Variants in NSL1 observed in about 807,000 individuals in gnomAD.
NSL1 encodes the protein NSL1 component of MIS12 kinetochore complex, also known as kinetochore-associated protein NSL1 homolog.
A neutral mutation model predicts 25.4 loss-of-function variants in NSL1; 11 were observed. That is an observed-to-expected ratio of 0.43 (90% CI 0.27 to 0.72). The LOEUF is 0.72. NSL1 is among the 30% of genes least tolerant of loss of function. The probability of loss-of-function intolerance (pLI) is 0.19; values close to 1 mark genes in which losing one functional copy is unlikely to be tolerated. For missense variants in NSL1, 330 were observed against 342.7 expected, an observed-to-expected ratio of 0.96 and a Z score of 0.29; for synonymous variants, 118 against 120.6, an observed-to-expected ratio of 0.98 and a Z score of 0.14.
intron 3 of NSL1, among the ~76,000 whole-genome samples, chr1:212,782,865 A>G (rs1014386524): frequency 6.6e-6 from 1 of 152,202 alleles, no homozygotes; most frequent in African/African-American, 2.4e-5. Flanking sequence ...CTAAGCCTAT[A>G]TATCCTGCGA....
intron 4 of NSL1, among the ~76,000 whole-genome samples, chr1:212,770,877 A>C (rs970342629): frequency 6.6e-6 from 1 of 152,218 alleles, no homozygotes; most frequent in Non-Finnish European, 1.5e-5. Context: ...GATTTATCTC[A>C]GAGATATGAG....
At chr1:212,763,763 G>C (rs1280658527) in intron 4 of NSL1, among the ~76,000 whole-genome samples, 2 of 152,096 alleles carry the variant, frequency 1.3e-5, no homozygotes, top group Non-Finnish European at 2.9e-5. Flanking sequence ...ACTAACACTG[G>C]AGCTCCCAGA....
intron 4 of NSL1, among the ~76,000 whole-genome samples, chr1:212,777,068 A>AAAAAC (rs1558060116): frequency 6.6e-6 from 1 of 151,828 alleles, no homozygotes; most frequent in Non-Finnish European, 1.5e-5. Context: ...ACTAAAAAAA[A>AAAAAC]AAAAACAAAA....
chr1:212,774,508 C>T (rs1660266986), intron 4 of NSL1, among the ~76,000 whole-genome samples: 1 of 151,846 alleles, frequency 6.6e-6, no homozygotes, highest in African/African-American at 2.4e-5. Context: ...AGACAAATAC[C>T]TCCCTCAAAA....
intron 4 of NSL1, among the ~76,000 whole-genome samples, chr1:212,776,253 C>T (rs1442257702): frequency 6.6e-6 from 1 of 151,998 alleles, no homozygotes; most frequent in African/African-American, 2.4e-5. Context: ...ATCCCAGCTA[C>T]TTGGGAGGCT....
chr1:212,750,102 C>T (rs115640768), intron 4 of NSL1, among the ~76,000 whole-genome samples: 1 of 151,726 alleles, frequency 6.6e-6, no homozygotes, highest in African/African-American at 2.4e-5. Flanking sequence ...GAAACACATT[C>T]TTTTAATCTC....
In NSL1 at chr1:212,787,549, A is replaced by G; in HGVS notation, c.313+10T>C. ...CCAGAAATTAATAATGGAAGGAAAAAGTCACATACCCATAAAACAATTATC... is the reference window on the plus strand; with the variant it reads ...CCAGAAATTAATAATGGAAGGAAAAGGTCACATACCCATAAAACAATTATC... On this transcript the variant is annotated intron_variant, in intron 2 of 5. Transcript: ENST00000366977. The G allele has an allele frequency of 6.4e-7, 1 of 1,574,414 alleles. No individual in the cohort carries two copies. Among genetic ancestry groups the G allele is most frequent in the Non-Finnish European group, 8.6e-7 (1 of 1,163,008 alleles).
intron 5 of NSL1, 72 bp from the exon 6 acceptor site, chr1:212,738,758 G>T: frequency 1.6e-6 from 2 of 1,267,184 alleles, no homozygotes; most frequent in Non-Finnish European, 2.2e-6. Flanking sequence ...GATGGATGCA[G>T]TACTCTAATT....
intron 4 of NSL1, among the ~76,000 whole-genome samples, chr1:212,751,250 T>C (rs1182466092): frequency 6.6e-6 from 1 of 152,224 alleles, no homozygotes; most frequent in African/African-American, 2.4e-5. Flanking sequence ...ACCTGTTCCA[T>C]GGACAGCCCA....
intron 4 of NSL1, among the ~76,000 whole-genome samples, chr1:212,763,088 C>A (rs903743841): frequency 6.6e-6 from 1 of 152,156 alleles, no homozygotes; most frequent in Admixed American, 6.5e-5. Context: ...GCGCAGACTG[C>A]CTGGAACTAA....
At chr1:212,767,769 T>C (rs1377446777) in intron 4 of NSL1, among the ~76,000 whole-genome samples, 2 of 152,054 alleles carry the variant, frequency 1.3e-5, no homozygotes, top group Non-Finnish European at 2.9e-5. Flanking sequence ...AGGACATGGA[T>C]AGACAATTCT....
rs566299776 is a variant in NSL1, at chr1:212,776,373, T to A, written c.499+5999A>T. On this transcript the variant is annotated intron_variant, in intron 4 of 5. Transcript: ENST00000366977. ...AGAGAAACTCCGTCTCAAAAAAAAA[T>A]AATAAATAATAATAATAATAAATAA... 7.2e-4 allele frequency among the ~76,000 whole-genome samples: 108 copies of A among 150,446 alleles called. 1 individual carries two copies. Among genetic ancestry groups the A allele is most frequent in the Middle Eastern group, 3.4e-3 (1 of 290 alleles).
intron 4 of NSL1, among the ~76,000 whole-genome samples, chr1:212,757,757 C>T (rs528384389): frequency 6.6e-6 from 1 of 152,284 alleles, no homozygotes; most frequent in South Asian, 2.1e-4. Context: ...TGCACTAGGT[C>T]CATCTACAAC....
Position 212,729,048 on chromosome 1 carries a change from T to C in NSL1, c.*9360A>G, listed in dbSNP as rs2102417118. On this transcript the variant is annotated 3_prime_UTR_variant, in exon 6 of 6. Coordinates refer to ENST00000366977, the MANE Select transcript of NSL1 (RefSeq NM_015471.4). The stretch of plus-strand genomic sequence containing the variant: ...GAAATTTTTTTTAAAGGAAGAATAC[T>C]TGGGTTGGGCTTACAAGAAAAATAA... The C allele has an allele frequency of 1.0e-6, 1 of 985,478 alleles. No individual in the cohort carries two copies. 61.0% of individuals were successfully genotyped at this position (985,478 alleles called of 1,614,324 possible).
chr1:212,777,691 G>C (rs1660437753), intron 4 of NSL1, among the ~76,000 whole-genome samples: 1 of 152,178 alleles, frequency 6.6e-6, no homozygotes, highest in African/African-American at 2.4e-5. Flanking sequence ...TGAGGTAAGA[G>C]AGGGAGTGGA....
rs372588756 is a variant in NSL1 at position 212,791,714 on chromosome 1, T to G, written c.50A>C (p.Glu17Ala). ...LVVLDPPWDKELAAGTESQAL... is the reference protein window; with the variant it reads ...LVVLDPPWDKALAAGTESQAL... ...CTGGCTCTCTGTGCCAGCCGCGAGCTCCTTGTCCCATGGAGGGTCAAGGAC... is the reference window on the plus strand; with the variant it reads ...CTGGCTCTCTGTGCCAGCCGCGAGCGCCTTGTCCCATGGAGGGTCAAGGAC... Residue 17 changes from glutamate (E) to alanine (A), a missense_variant, in exon 1 of 6, where the codon GAG (glutamate) becomes GCG (alanine). Coordinates refer to ENST00000366977, the MANE Select transcript of NSL1 (RefSeq NM_015471.4). The G allele has an allele frequency of 1.9e-6, 3 of 1,613,626 alleles. No homozygotes were observed. In the African/African-American group the frequency reaches 4.0e-5, roughly 22 times the overall value.
chr1:212,739,190 T>G (rs74983279), intron 5 of NSL1, among the ~76,000 whole-genome samples: 1 of 152,206 alleles, frequency 6.6e-6, no homozygotes, highest in Non-Finnish European at 1.5e-5. Context: ...AAGGATTACA[T>G]GAGACAATAC....
intron 3 of NSL1, 103 bp downstream of exon 3, chr1:212,784,260 A>G (rs145910010): frequency 2.6e-6 from 2 of 755,242 alleles, no homozygotes; most frequent in African/African-American, 3.5e-5. Context: ...GGCAGGAAAG[A>G]AAAAGACAAC....
chr1:212,740,839 T>C (rs1253005373), intron 4 of NSL1, among the ~76,000 whole-genome samples: 2 of 152,174 alleles, frequency 1.3e-5, no homozygotes, highest in South Asian at 2.1e-4. Context: ...TGCTTCTTTA[T>C]TGATGATTTA....
Sources: allele counts gnomAD v4.1 joint callset (sites outside exome capture counted in the v4.1 genomes callset), GRCh38; gene constraint gnomAD v4.1.1; transcripts MANE v1.5; gene names NCBI Gene and HGNC (gene_info 2026-07-23, HGNC 2026-07-21).